Variants in SPAG16 observed in about 807,000 individuals in gnomAD.
SPAG16 encodes the protein sperm associated antigen 16.
SPAG16 carries 86 observed loss-of-function variants against 80.4 expected under a neutral mutation model. The ratio of observed to expected loss-of-function variants is 1.07; its 90% confidence interval spans 0.90 to 1.28. The LOEUF is 1.28. Among genes scored for constraint, SPAG16 ranks in the 50% most tolerant of loss-of-function variants. The probability of loss-of-function intolerance (pLI) is 0.00; values close to 1 mark genes in which losing one functional copy is unlikely to be tolerated. For missense variants in SPAG16, 870 were observed against 765.3 expected (o/e 1.14, Z -1.61); for synonymous variants, 294 against 265.9 (o/e 1.11, Z -1.03).
chr2:213,666,322 A>T (rs1217802303), intron 10 of SPAG16, among the ~76,000 whole-genome samples: 3 of 152,164 alleles, frequency 2.0e-5, no homozygotes, highest in African/African-American at 7.2e-5. Flanking sequence ...TTTAGAATTA[A>T]TACAATACTA....
intron 10 of SPAG16, among the ~76,000 whole-genome samples, chr2:213,670,431 C>T (rs1030515981): frequency 6.6e-6 from 1 of 151,650 alleles, no homozygotes; most frequent in Non-Finnish European, 1.5e-5. Flanking sequence ...ACTTTTTTTT[C>T]TCATAAACTG....
chr2:213,670,971 C>T (rs548499849), intron 10 of SPAG16, among the ~76,000 whole-genome samples: 1 of 152,280 alleles, frequency 6.6e-6, no homozygotes, highest in East Asian at 1.9e-4. Context: ...CCCTACAAAT[C>T]AGGAACCATC....
chr2:214,218,344 T>C (rs2058485265), intron 15 of SPAG16, among the ~76,000 whole-genome samples: 1 of 152,078 alleles, frequency 6.6e-6, no homozygotes, highest in Non-Finnish European at 1.5e-5. Flanking sequence ...TTCTGGAAAA[T>C]AGAAGCAATG....
intron 10 of SPAG16, among the ~76,000 whole-genome samples, chr2:213,609,344 G>C (rs933391275): frequency 2.0e-5 from 3 of 152,146 alleles, no homozygotes; most frequent in African/African-American, 7.2e-5. Flanking sequence ...TAACCTCTTT[G>C]ACTGTACATC....
intron 15 of SPAG16, among the ~76,000 whole-genome samples, chr2:214,189,894 A>T (rs2057602608): frequency 6.6e-6 from 1 of 152,064 alleles, no homozygotes; most frequent in Admixed American, 6.6e-5. Context: ...ATCCCCTTTA[A>T]CAACTAGTAA....
At chr2:214,325,557 G>A (rs1696414440) in intron 15 of SPAG16, among the ~76,000 whole-genome samples, 1 of 152,048 alleles carries the variant, frequency 6.6e-6, no homozygotes, top group Non-Finnish European at 1.5e-5. Flanking sequence ...TCTTAATCTA[G>A]TAACCTAAAC....
At position 213,759,158 on chromosome 2, in the gene SPAG16, G is replaced by C. The variant is rs533651173; in HGVS notation, c.1071-103327G>C. On this transcript the variant is annotated intron_variant, in intron 10 of 15. Transcript: ENST00000331683. ...AGCTTGTTACCATTGGACCTGACTT[G>C]CAAGAAATCCTCCTGCAGAGTGAAA... Among the ~76,000 whole-genome samples the C allele has an allele frequency of 2.0e-5, 3 of 152,212 alleles. No homozygotes were observed. The East Asian group carries it at 5.8e-4, about 29-fold the overall frequency.
intron 4 of SPAG16, among the ~76,000 whole-genome samples, chr2:213,313,227 G>A (rs1423293591): frequency 2.6e-5 from 4 of 151,716 alleles, no homozygotes; most frequent in South Asian, 2.1e-4. Flanking sequence ...ACAGATTTAT[G>A]TACTATGATA....
chr2:214,356,180 T>C lies in SPAG16; in HGVS notation c.1721-53960T>C, dbSNP rs376720672. ...ATTGTGCACATGTAACCTAAAACTT[T>C]AAGTATAATAATAATAAAATTTAAA... On this transcript the variant is annotated intron_variant, in intron 15 of 15. Transcript: ENST00000331683. 2.7e-5 allele frequency among the ~76,000 whole-genome samples: 4 copies of C among 150,046 alleles called. No individual in the cohort carries two copies. The South Asian group carries it at 8.5e-4, about 32-fold the overall frequency.
At chr2:214,162,961 G>C (rs904299312) in intron 15 of SPAG16, among the ~76,000 whole-genome samples, 2 of 151,992 alleles carry the variant, frequency 1.3e-5, no homozygotes, top group Non-Finnish European at 2.9e-5. Context: ...GCAATTGGTT[G>C]ATTCAAAAAA....
At chr2:214,188,747 T>C (rs887140703) in intron 15 of SPAG16, among the ~76,000 whole-genome samples, 4 of 152,184 alleles carry the variant, frequency 2.6e-5, no homozygotes, top group African/African-American at 9.6e-5. Flanking sequence ...ACTGAACTGC[T>C]ATTTTTCAAA....
rs140565903 is a variant in SPAG16, at chr2:213,406,928, C to T, written c.942+31809C>T. On this transcript the variant is annotated intron_variant, in intron 9 of 15. Transcript: ENST00000331683. The stretch of plus-strand genomic sequence containing the variant: ...AAGGAATAACCCGAGCTCTCAGCGA[C>T]GCGGATTTAAAAAAAAAAAAAAAAA... Among the ~76,000 whole-genome samples the T allele has an allele frequency of 2.2e-3, 283 of 130,484 alleles. 1 individual carries two copies. Among genetic ancestry groups the T allele is most frequent in the African/African-American group, 7.3e-3 (233 of 32,002 alleles). 85.6% of individuals were successfully genotyped at this position (130,484 alleles called of 152,430 possible). A position where few individuals can be genotyped will look rare whatever the true frequency, so the allele number is the denominator to read the frequency against.
intron 3 of SPAG16, among the ~76,000 whole-genome samples, chr2:213,302,797 A>G (rs899432516): frequency 3.9e-4 from 60 of 152,238 alleles, no homozygotes; most frequent in African/African-American, 1.4e-3. Context: ...AGGTGTGTGC[A>G]TGGTGCACAT....
chr2:213,918,108 A>G (rs1330823756), intron 11 of SPAG16, among the ~76,000 whole-genome samples: 1 of 152,198 alleles, frequency 6.6e-6, no homozygotes, highest in Non-Finnish European at 1.5e-5. Context: ...CTTACATCCC[A>G]GGGATAAAGC....
chr2:213,422,616 C>G (rs2069666674), intron 9 of SPAG16: 3 of 333,776 alleles, frequency 9.0e-6, no homozygotes, highest in Non-Finnish European at 1.7e-5. Flanking sequence ...AAGTGACACC[C>G]TAGGGATCCT....
chr2:214,321,339 T>C (rs1478806010), intron 15 of SPAG16, among the ~76,000 whole-genome samples: 2 of 152,220 alleles, frequency 1.3e-5, no homozygotes, highest in Non-Finnish European at 1.5e-5. Context: ...TAAATGATGA[T>C]TGGATATTTA....
intron 10 of SPAG16, among the ~76,000 whole-genome samples, chr2:213,532,798 A>G (rs1181546444): frequency 2.6e-5 from 4 of 152,308 alleles, no homozygotes; most frequent in Middle Eastern, 3.4e-3. Context: ...ATATGATTTT[A>G]TAATAAGCTA....
intron 12 of SPAG16, among the ~76,000 whole-genome samples, chr2:213,979,884 A>G (rs996628038): frequency 7.9e-5 from 12 of 151,984 alleles, no homozygotes; most frequent in African/African-American, 2.2e-4. Flanking sequence ...GAAATTGTCT[A>G]TCTTTGCCAG....
At chr2:213,932,483 G>A (rs144167254) in intron 12 of SPAG16, among the ~76,000 whole-genome samples, 115 of 152,110 alleles carry the variant, frequency 7.6e-4, no homozygotes, top group East Asian at 6.4e-3. Flanking sequence ...GGTTACAGGC[G>A]TGAACCACTG....
Sources: allele counts gnomAD v4.1 joint callset (sites outside exome capture counted in the v4.1 genomes callset), GRCh38; gene constraint gnomAD v4.1.1; transcripts MANE v1.5; gene names NCBI Gene and HGNC (gene_info 2026-07-23, HGNC 2026-07-21).